The following CTNND2 variants were observed in gnomAD, a reference collection of about 807,000 sequenced individuals.
CTNND2 encodes catenin delta-2.
A neutral mutation model predicts 144.4 loss-of-function variants in CTNND2; 22 were observed. The ratio of observed to expected loss-of-function variants is 0.15; its 90% confidence interval spans 0.11 to 0.22. CTNND2 has a LOEUF of 0.22. Among genes scored for constraint, CTNND2 ranks in the 10% least tolerant of loss-of-function variants. CTNND2 has a pLI of 1.00. For synonymous variants in CTNND2, 751 were observed against 695.6 expected, an observed-to-expected ratio of 1.08 and a Z score of -1.25; for missense variants, 1,353 against 1,618.8, an observed-to-expected ratio of 0.84 and a Z score of 2.82.
At chr5:11,326,173 A>G (rs1752502052) in intron 9 of CTNND2, among the ~76,000 whole-genome samples, 2 of 152,114 alleles carry the variant, frequency 1.3e-5, no homozygotes, top group Non-Finnish European at 2.9e-5. Context: ...TTTCAACAGG[A>G]TGCTCTGCTT....
intron 16 of CTNND2, among the ~76,000 whole-genome samples, chr5:11,052,106 A>C (rs1349836547): frequency 6.6e-6 from 1 of 152,160 alleles, no homozygotes; most frequent in Non-Finnish European, 1.5e-5. Context: ...GAGGAATTGA[A>C]GAGGGTGTAC....
At chr5:11,614,807 G>C (rs973628690) in intron 2 of CTNND2, among the ~76,000 whole-genome samples, 17 of 152,190 alleles carry the variant, frequency 1.1e-4, no homozygotes, top group African/African-American at 3.9e-4. Context: ...AGCCAGACCT[G>C]CTGTAGCACC....
chr5:11,101,258 C>T (rs1561303143), intron 14 of CTNND2, among the ~76,000 whole-genome samples: 1 of 151,984 alleles, frequency 6.6e-6, no homozygotes, highest in Non-Finnish European at 1.5e-5. Flanking sequence ...GGGGAAAAGC[C>T]CATTAAAAAT....
chr5:11,543,175 G>C (rs780171676), intron 3 of CTNND2, among the ~76,000 whole-genome samples: 1 of 152,184 alleles, frequency 6.6e-6, no homozygotes, highest in Non-Finnish European at 1.5e-5. Flanking sequence ...TATGGGCAGG[G>C]TCCTCTCATC....
chr5:11,862,232 C>G (rs1489048376), intron 1 of CTNND2, among the ~76,000 whole-genome samples: 1 of 152,136 alleles, frequency 6.6e-6, no homozygotes, highest in African/African-American at 2.4e-5. Context: ...CAACTTACTA[C>G]TAGAAATTTT....
intron 10 of CTNND2, among the ~76,000 whole-genome samples, chr5:11,230,552 C>G (rs148192304): frequency 1.3e-5 from 2 of 152,146 alleles, no homozygotes; most frequent in African/African-American, 4.8e-5. Flanking sequence ...GCACTGCCAT[C>G]CATCCACACT....
At chr5:11,373,145 T>C (rs946936897) in intron 7 of CTNND2, among the ~76,000 whole-genome samples, 2 of 152,238 alleles carry the variant, frequency 1.3e-5, no homozygotes, top group African/African-American at 4.8e-5. Flanking sequence ...TTAGCTACAG[T>C]TGTCCGGGCC....
intron 1 of CTNND2, among the ~76,000 whole-genome samples, chr5:11,747,868 A>C (rs1014411769): frequency 2.6e-5 from 4 of 152,108 alleles, no homozygotes; most frequent in African/African-American, 9.7e-5. Context: ...CAGTACTTGA[A>C]AGTGTCCACT....
intron 18 of CTNND2, among the ~76,000 whole-genome samples, chr5:11,001,265 G>C (rs143637602): frequency 1.1e-4 from 17 of 152,292 alleles, no homozygotes; most frequent in African/African-American, 3.8e-4. Flanking sequence ...GGCAGGTAAT[G>C]CATGTTCATT....
chr5:11,550,463 G>C (rs1225008797), intron 3 of CTNND2, among the ~76,000 whole-genome samples: 3 of 152,204 alleles, frequency 2.0e-5, no homozygotes, highest in Non-Finnish European at 2.9e-5. Flanking sequence ...GGGAGAGAAG[G>C]TTAATTGTTA....
At chr5:11,277,919 G>T (rs2530210) in intron 9 of CTNND2, among the ~76,000 whole-genome samples, 46,382 of 151,620 alleles carry the variant, frequency 0.31, 7,131 homozygotes, top group Middle Eastern at 0.38. Context: ...CCATAGCTCC[G>T]GTCTCTCTCT....
chr5:11,856,365 G>A (rs1561862072), intron 1 of CTNND2, among the ~76,000 whole-genome samples: 1 of 152,180 alleles, frequency 6.6e-6, no homozygotes, highest in Admixed American at 6.5e-5. Context: ...TGGAAAGTTG[G>A]GAGTGAGTGT....
At chr5:11,191,095 C>T (rs966019852) in intron 11 of CTNND2, among the ~76,000 whole-genome samples, 2 of 152,150 alleles carry the variant, frequency 1.3e-5, no homozygotes, top group Admixed American at 1.3e-4. Context: ...AAATGCATTT[C>T]TCAGGGCCTA....
chr5:11,505,440 C>T (rs1420187051), intron 3 of CTNND2, among the ~76,000 whole-genome samples: 3 of 152,254 alleles, frequency 2.0e-5, no homozygotes, highest in East Asian at 1.9e-4. Flanking sequence ...TTGAAATAAA[C>T]CGCTTAATGT....
At position 11,129,207 on chromosome 5, in the gene CTNND2, AT is replaced by A. The variant is rs1195874904; in HGVS notation, c.2160-11641del. On this transcript the variant is annotated intron_variant, in intron 12 of 21. Coordinates refer to ENST00000304623, the MANE Select transcript of CTNND2 (RefSeq NM_001332.4). ...ATATAATATATAATATATATTATAT[AT>A]TTATATATTATATATAAATATATAT... is the stretch of plus-strand genomic sequence containing the variant. Among the ~76,000 whole-genome samples, 73 of 38,166 alleles carry A rather than the reference AT, an allele frequency of 1.9e-3. 4 individuals carry two copies. Among genetic ancestry groups the A allele is most frequent in the East Asian group, 4.4e-3 (3 of 684 alleles). 25.0% of individuals were successfully genotyped at this position (38,166 alleles called of 152,430 possible).
At chr5:11,269,505 T>C (rs1484088436) in intron 9 of CTNND2, among the ~76,000 whole-genome samples, 1 of 152,246 alleles carries the variant, frequency 6.6e-6, no homozygotes, top group African/African-American at 2.4e-5. Flanking sequence ...ACATTTGCAT[T>C]GTATTCATAC....
At chr5:11,566,978 G>A (rs1777161726) in intron 2 of CTNND2, among the ~76,000 whole-genome samples, 1 of 152,022 alleles carries the variant, frequency 6.6e-6, no homozygotes, top group African/African-American at 2.4e-5. Flanking sequence ...CAGTTCTTTG[G>A]GTAAAGAAGT....
chr5:11,391,706 A>C (rs1025184391), intron 6 of CTNND2, among the ~76,000 whole-genome samples: 2 of 152,150 alleles, frequency 1.3e-5, no homozygotes, highest in Non-Finnish European at 2.9e-5. Flanking sequence ...GATTCTCTTG[A>C]GGGGTGCTGG....
chr5:11,777,818 T>A (rs1790337605), intron 1 of CTNND2, among the ~76,000 whole-genome samples: 1 of 152,178 alleles, frequency 6.6e-6, no homozygotes, highest in Admixed American at 6.5e-5. Flanking sequence ...CTAAATAACC[T>A]TAGGTCCCTG....
Sources: allele counts gnomAD v4.1 joint callset (sites outside exome capture counted in the v4.1 genomes callset), GRCh38; gene constraint gnomAD v4.1.1; transcripts MANE v1.5; gene names NCBI Gene and HGNC (gene_info 2026-07-23, HGNC 2026-07-21).